TIMM17B: variants seen among roughly 807,000 people sequenced by gnomAD.
The protein encoded by TIMM17B is mitochondrial import inner membrane translocase subunit Tim17-B.
TIMM17B carries 10 observed loss-of-function variants against 15.9 expected under a neutral mutation model. The ratio of observed to expected loss-of-function variants is 0.63; its 90% CI spans 0.39 to 1.06. TIMM17B has a LOEUF of 1.06. TIMM17B is among the 50% of genes least tolerant of loss of function. The pLI, the probability that TIMM17B is intolerant of heterozygous loss-of-function variation, is 0.01. For synonymous variants in TIMM17B, 57 were observed against 57.2 expected (o/e 1.00, Z 0.02); for missense variants, 114 against 152.2 (o/e 0.75, Z 1.32).
Position 48,894,029 on chromosome X carries a change from G to T in TIMM17B, c.320-19C>A. ...GGGCCACCTGGGGGAGTTGGAGGCA[G>T]AGAAACAGAGGTGAGAGCAGGCAGA... On this transcript the variant is annotated intron_variant, in intron 5 of 6. Transcript: ENST00000376582. 8.3e-7 allele frequency: 1 copy of T among 1,200,437 alleles called. No individual in the cohort carries two copies. The highest frequency in any genetic ancestry group is 1.7e-5 in the African/African-American group (1 of 57,601).
chrX:48,896,341 T>A (rs2063312278), intron 3 of TIMM17B: 1 of 120,634 alleles, frequency 8.3e-6, no homozygotes, highest in South Asian at 2.6e-4. Flanking sequence ...ATGCCTGTAG[T>A]CCCAGCTACT....
At chrX:48,895,325 T>C (rs782358254) in intron 3 of TIMM17B, 14 of 508,802 alleles carry the variant, frequency 2.8e-5, no homozygotes, top group Non-Finnish European at 4.9e-5. Context: ...CATTCATTCA[T>C]TCAGTGAATG....
chrX:48,896,184 G>A (rs1443939492), intron 3 of TIMM17B: 1 of 103,593 alleles, frequency 9.7e-6, no homozygotes, highest in East Asian at 3.1e-4. Flanking sequence ...ACATGGCCAG[G>A]CACAGTGGCA....
intron 1 of TIMM17B, chrX:48,898,010 C>A: frequency 1.1e-5 from 11 of 985,059 alleles, no homozygotes; most frequent in Non-Finnish European, 1.5e-5. Context: ...GTCGTGTGGG[C>A]CCAGGTATCG....
At chrX:48,894,112 C>T in exon 5 of TIMM17B, 1 of 1,198,379 alleles carries the variant, frequency 8.3e-7, no homozygotes, top group Non-Finnish European at 1.1e-6. Context: ...GCAGCCAGCA[C>T]AGCCCCGGTC....
chrX:48,895,505 T>C, intron 3 of TIMM17B: 1 of 514,476 alleles, frequency 1.9e-6, no homozygotes, highest in Non-Finnish European at 3.5e-6. Flanking sequence ...ATCTGCACTG[T>C]AGAGGAAATG....
At chrX:48,895,068 C>T in exon 4 of TIMM17B, 1 of 1,202,470 alleles carries the variant, frequency 8.3e-7, no homozygotes, top group Non-Finnish European at 1.1e-6. Context: ...ATCCTCACAG[C>T]ATTGGCACTA....
chrX:48,893,634 G>A (rs1168118893), exon 7 of TIMM17B: 1 of 772,189 alleles, frequency 1.3e-6, no homozygotes. Context: ...ACCCTCTCTG[G>A]AGGGTCCCAG....
In TIMM17B at chrX:48,897,720, G is replaced by A. The variant is rs1557039855; in HGVS notation, c.26+4C>T. The stretch of plus-strand genomic sequence containing the variant: ...ATTCCGGATGCCTGTGCCCATTGCC[G>A]TACCAGGGCTCCCGAGCGTACTCCT... On this transcript the variant is annotated splice_donor_region_variant and intron_variant, in intron 2 of 6. Transcript: ENST00000376582. The A allele has an allele frequency of 8.3e-7, 1 of 1,205,315 alleles. No homozygotes were observed. Among genetic ancestry groups the A allele is most frequent in the Non-Finnish European group, 1.1e-6 (1 of 890,203 alleles).
At chrX:48,894,415 A>G (rs1387872372) in intron 4 of TIMM17B, among the ~76,000 whole-genome samples, 190 bp from the exon 4 acceptor site, 1 of 111,720 alleles carries the variant, frequency 9.0e-6, no homozygotes, top group Non-Finnish European at 1.9e-5. Context: ...CAAGCCGTCT[A>G]TAATCACCAT....
In TIMM17B at chrX:48,898,097, G is replaced by A. The variant is rs112261029; in HGVS notation, c.-103C>T. ...CGAGTGTATTGGTAACGTTGGGGTG[G>A]GTGCACTCTTTTGGAGCTGGAGGAA... On this transcript the variant is annotated 5_prime_UTR_variant, in exon 1 of 7. Coordinates refer to ENST00000376582, the Ensembl canonical transcript of TIMM17B. The A allele has an allele frequency of 0.058, 59,355 of 1,021,160 alleles. 1,362 individuals carry two copies. The highest frequency in any genetic ancestry group is 0.066 in the Non-Finnish European group (52,730 of 801,396). 84.2% of individuals were successfully genotyped at this position (1,021,160 alleles called of 1,213,427 possible).
At chrX:48,895,253 C>T (rs2063301905) in intron 3 of TIMM17B, 152 bp from the exon 3 acceptor site, 3 of 500,336 alleles carry the variant, frequency 6.0e-6, no homozygotes, top group Middle Eastern at 3.7e-4. Flanking sequence ...GCCTGGAGAG[C>T]GCCCCAACAT....
chrX:48,895,323 C>G, intron 3 of TIMM17B: 2 of 509,656 alleles, frequency 3.9e-6, no homozygotes, highest in South Asian at 5.0e-5. Context: ...TTCATTCATT[C>G]ATTCAGTGAA....
At chrX:48,898,087 C>T in exon 1 of TIMM17B, 2 of 1,025,559 alleles carry the variant, frequency 2.0e-6, no homozygotes, top group Non-Finnish European at 2.5e-6. Context: ...GTATTGGTAA[C>T]GTTGGGGTGG....
chrX:48,896,797 C>G lies in TIMM17B; in HGVS notation c.88G>C (p.Val30Leu), dbSNP rs1427976426. 3.3e-6 allele frequency: 4 copies of G among 1,208,169 alleles called. No homozygotes were observed. The highest frequency in any genetic ancestry group is 2.2e-5 in the Admixed American group (1 of 45,462). ...CGGAAACCCTTGATGGCCTGGAAGA[C>G]TCCGCCACCGATGACACCCATAGTG... The change falls in exon 3 of 7, where the codon GTC becomes CTC. Residue 30 changes from valine to leucine, a missense_variant. Coordinates refer to ENST00000376582, the Ensembl canonical transcript of TIMM17B.
chrX:48,894,205 C>A, exon 5 of TIMM17B: 1 of 1,208,635 alleles, frequency 8.3e-7, no homozygotes, highest in Non-Finnish European at 1.1e-6. Flanking sequence ...GAGAACAGGC[C>A]CCCCCACACT....
exon 7 of TIMM17B, chrX:48,893,588 C>T: frequency 2.0e-6 from 1 of 493,773 alleles, no homozygotes. Context: ...GCTGGGGTGC[C>T]CCACCCCCAC....
At chrX:48,896,235 G>T in intron 3 of TIMM17B, 1 of 114,036 alleles carries the variant, frequency 8.8e-6, no homozygotes, top group South Asian at 3.4e-4. Flanking sequence ...CGAGGTAGGT[G>T]GATCACCTGA....
chrX:48,897,284 AACTG>A (rs782412624), intron 2 of TIMM17B: 4 of 218,350 alleles, frequency 1.8e-5, no homozygotes, highest in Non-Finnish European at 2.5e-5. Context: ...AATCCGGCAC[AACTG>A]GGAAAAACCA....
Sources: gnomAD v4.1 joint callset for allele counts (sites outside exome capture counted in the v4.1 genomes callset) on GRCh38, gnomAD v4.1.1 for gene constraint, MANE v1.5 for transcripts, NCBI Gene and HGNC (gene_info 2026-07-23, HGNC 2026-07-21) for gene names.